Variants in LRIG1 observed in about 807,000 individuals in gnomAD.
The protein encoded by LRIG1 is leucine-rich repeats and immunoglobulin-like domains protein 1.
Under a neutral mutation model 99.2 loss-of-function variants are expected in LRIG1, and 48 were observed. That is an observed-to-expected ratio of 0.48 (90% CI 0.38 to 0.62). The LOEUF (loss-of-function observed/expected upper bound fraction) is 0.62. Among genes scored for constraint, LRIG1 ranks in the 20% least tolerant of loss-of-function variants. The probability of loss-of-function intolerance (pLI) is 0.00; values close to 1 mark genes in which losing one functional copy is unlikely to be tolerated. For synonymous variants in LRIG1, 772 were observed against 596.1 expected (o/e 1.29, Z -4.30); for missense variants, 1,646 against 1,434.4 (o/e 1.15, Z -2.38).
intron 3 of LRIG1, among the ~76,000 whole-genome samples, chr3:66,449,033 T>G (rs1043089057): frequency 6.6e-6 from 1 of 152,206 alleles, no homozygotes; most frequent in African/African-American, 2.4e-5. Context: ...ACTGGAATCA[T>G]CATGTGGATG....
chr3:66,402,014 G>A (rs1415686088), intron 9 of LRIG1, among the ~76,000 whole-genome samples: 1 of 152,116 alleles, frequency 6.6e-6, no homozygotes, highest in African/African-American at 2.4e-5. Flanking sequence ...GAGTTCCACT[G>A]CAGGCCCGGC....
At chr3:66,466,649 G>A (rs534756212) in intron 1 of LRIG1, among the ~76,000 whole-genome samples, 2 of 152,202 alleles carry the variant, frequency 1.3e-5, no homozygotes, top group Non-Finnish European at 2.9e-5. Context: ...GTTAATCAGT[G>A]AAAATCTTTA....
At chr3:66,459,799 A>AT (rs1271601811) in intron 2 of LRIG1, among the ~76,000 whole-genome samples, 1 of 152,208 alleles carries the variant, frequency 6.6e-6, no homozygotes, top group Non-Finnish European at 1.5e-5. Flanking sequence ...TATTAATGCA[A>AT]TATTTTTTAA....
At chr3:66,460,123 G>A (rs1019307060) in intron 2 of LRIG1, among the ~76,000 whole-genome samples, 5 of 152,028 alleles carry the variant, frequency 3.3e-5, no homozygotes, top group African/African-American at 1.2e-4. Context: ...AGCCCTATCT[G>A]TGTCCTGTTC....
At chr3:66,484,810 A>C (rs1434663347) in intron 1 of LRIG1, among the ~76,000 whole-genome samples, 3 of 152,138 alleles carry the variant, frequency 2.0e-5, no homozygotes, top group African/African-American at 7.2e-5. Context: ...CCTCCCTCTA[A>C]AGTCTGCATA....
chr3:66,491,906 C>T (rs1701109485), intron 1 of LRIG1, among the ~76,000 whole-genome samples: 1 of 152,116 alleles, frequency 6.6e-6, no homozygotes. Flanking sequence ...AAAAAACACT[C>T]CAGAGCAACA....
chr3:66,431,601 C>G (rs1703174886), intron 3 of LRIG1, among the ~76,000 whole-genome samples: 1 of 152,192 alleles, frequency 6.6e-6, no homozygotes, highest in African/African-American at 2.4e-5. Context: ...GACTGGTCAG[C>G]AACTGGGGGA....
intron 9 of LRIG1, chr3:66,401,490 G>T: frequency 1.6e-6 from 1 of 616,406 alleles, no homozygotes; most frequent in Non-Finnish European, 2.6e-6. Context: ...ACATTGACCT[G>T]TTTTACAATG....
At chr3:66,443,492 A>G (rs1703616851) in intron 3 of LRIG1, among the ~76,000 whole-genome samples, 1 of 152,192 alleles carries the variant, frequency 6.6e-6, no homozygotes. Flanking sequence ...TACACCTGTA[A>G]CTTACACCTC....
intron 1 of LRIG1, among the ~76,000 whole-genome samples, chr3:66,468,405 G>T (rs1559814713): frequency 6.6e-6 from 1 of 152,180 alleles, no homozygotes; most frequent in East Asian, 1.9e-4. Flanking sequence ...GAAGGAATTG[G>T]TCCTAAATCC....
chr3:66,420,878 G>T (rs903771991), intron 3 of LRIG1, among the ~76,000 whole-genome samples: 2 of 152,230 alleles, frequency 1.3e-5, no homozygotes, highest in Non-Finnish European at 2.9e-5. Context: ...ATTTATGAAA[G>T]AAAGAGGTTT....
chr3:66,431,193 A>C (rs757954232), intron 3 of LRIG1, among the ~76,000 whole-genome samples: 1 of 152,148 alleles, frequency 6.6e-6, no homozygotes, highest in Non-Finnish European at 1.5e-5. Context: ...ACTTCATTAC[A>C]ATTGTCAGGG....
At chr3:66,430,324 C>T (rs907670281) in intron 3 of LRIG1, among the ~76,000 whole-genome samples, 1 of 152,166 alleles carries the variant, frequency 6.6e-6, no homozygotes, top group African/African-American at 2.4e-5. Flanking sequence ...AAGCAAATGT[C>T]GAATACGATG....
At chr3:66,411,569 C>T (rs956522452) in intron 6 of LRIG1, among the ~76,000 whole-genome samples, 1 of 152,126 alleles carries the variant, frequency 6.6e-6, no homozygotes, top group Non-Finnish European at 1.5e-5. Flanking sequence ...AGAAGCCCAG[C>T]GGCAGGAAAC....
intron 3 of LRIG1, among the ~76,000 whole-genome samples, chr3:66,450,470 G>A (rs1703869455): frequency 6.6e-6 from 1 of 152,150 alleles, no homozygotes; most frequent in African/African-American, 2.4e-5. Flanking sequence ...AGGGCACAGA[G>A]TGAAGTGCAA....
intron 3 of LRIG1, among the ~76,000 whole-genome samples, chr3:66,443,126 T>C (rs1703599170): frequency 6.6e-6 from 1 of 152,054 alleles, no homozygotes; most frequent in Non-Finnish European, 1.5e-5. Context: ...CCCTGGGAAG[T>C]TTCCGGGACA....
intron 8 of LRIG1, among the ~76,000 whole-genome samples, chr3:66,406,733 C>A (rs1308609532): frequency 6.6e-6 from 1 of 152,158 alleles, no homozygotes; most frequent in Non-Finnish European, 1.5e-5. Flanking sequence ...CCACTTTTGC[C>A]AACCCCATCT....
intron 12 of LRIG1, among the ~76,000 whole-genome samples, chr3:66,393,633 C>T (rs1424046068): frequency 6.6e-6 from 1 of 152,214 alleles, no homozygotes; most frequent in African/African-American, 2.4e-5. Flanking sequence ...AACTGTTCTC[C>T]TGAGACTTGT....
At chr3:66,394,357 AT>A (rs1362145419) in intron 11 of LRIG1, among the ~76,000 whole-genome samples, 154 bp from the exon 12 acceptor site, 4 of 152,188 alleles carry the variant, frequency 2.6e-5, no homozygotes, top group Non-Finnish European at 5.9e-5. Flanking sequence ...TTCCTCTCCA[AT>A]TTCCCAGGGC....
Sources: gnomAD v4.1 joint callset for allele counts (sites outside exome capture counted in the v4.1 genomes callset) on GRCh38, gnomAD v4.1.1 for gene constraint, MANE v1.5 for transcripts, NCBI Gene and HGNC (gene_info 2026-07-23, HGNC 2026-07-21) for gene names.